TNFRSF1B: variants seen among roughly 807,000 people sequenced by gnomAD.
TNFRSF1B encodes the protein tumor necrosis factor receptor superfamily member 1B.
A neutral mutation model predicts 44.6 loss-of-function variants in TNFRSF1B; 19 were observed. The observed-to-expected ratio is 0.43, with a 90% CI of 0.30 to 0.62. TNFRSF1B has a LOEUF of 0.62. Ranked by LOEUF, TNFRSF1B falls within the 20% of genes least tolerant of loss-of-function variation. The pLI is 0.16. For synonymous variants in TNFRSF1B, 252 were observed against 261.1 expected (o/e 0.97, Z 0.34); for missense variants, 541 against 619.9 (o/e 0.87, Z 1.35).
intron 8 of TNFRSF1B, among the ~76,000 whole-genome samples, chr1:12,200,725 C>A (rs1175913700): frequency 6.6e-6 from 1 of 152,110 alleles, no homozygotes; most frequent in Non-Finnish European, 1.5e-5. Context: ...CAGGTTCAAG[C>A]GATTCTCCTG....
rs1195228058 is a variant in TNFRSF1B, at chr1:12,171,975, C to T, written c.78+4806C>T. Among the ~76,000 whole-genome samples, 1 of 152,114 alleles carries T rather than the reference C, an allele frequency of 6.6e-6. No individual in the cohort carries two copies. Among genetic ancestry groups the T allele is most frequent in the Non-Finnish European group, 1.5e-5 (1 of 68,016 alleles). The stretch of plus-strand genomic sequence containing the variant: ...GGCAGGGTGGGGTTCTGTTTGCCTC[C>T]ATCTCTTGGGGTATTTTTCTGGGCT... On this transcript the variant is annotated intron_variant, in intron 1 of 9. Transcript: ENST00000376259. The surrounding 1 kb of genome is among the most constrained non-coding windows in gnomAD (Gnocchi z 4.5).
intron 1 of TNFRSF1B, among the ~76,000 whole-genome samples, chr1:12,183,720 C>CCTACCTATCTAT (rs1557629116): frequency 1.1e-5 from 1 of 92,150 alleles, no homozygotes; most frequent in East Asian, 3.8e-4. Context: ...ATTCTATCTA[C>CCTACCTATCTAT]CTATCTATCT....
In TNFRSF1B at chr1:12,209,024, C is replaced by G. The variant is rs915280019; in HGVS notation, c.*2004C>G. On this transcript the variant is annotated 3_prime_UTR_variant, in exon 10 of 10. Coordinates refer to ENST00000376259, the MANE Select transcript of TNFRSF1B (RefSeq NM_001066.3). ...GGACCCACATGAGGACATGATGGAG[C>G]GCACCTGCCCCCTGGTGGACAGTCC... The G allele has an allele frequency of 2.0e-5, 3 of 152,302 alleles. No individual in the cohort carries two copies. Among genetic ancestry groups the G allele is most frequent in the Admixed American group, 6.5e-5 (1 of 15,298 alleles). The allele number at this position is 152,302 out of a possible 1,614,324, so 9.4% of individuals were successfully genotyped here.
rs555859348 is a variant in TNFRSF1B at position 12,193,532 on chromosome 1, C to A, written c.788-423C>A. On this transcript the variant is annotated intron_variant, in intron 6 of 9. Transcript: ENST00000376259. Reference sequence around the variant, plus strand: ...AGGCTGCATTGAGCTCTGATCGTGCCACTGCACTCCAGCCTGGGCAATGAG... The same window carrying A: ...AGGCTGCATTGAGCTCTGATCGTGCAACTGCACTCCAGCCTGGGCAATGAG... 3.3e-5 allele frequency among the ~76,000 whole-genome samples: 5 copies of A among 152,322 alleles called. No individual in the cohort carries two copies. The South Asian group carries it at 1.0e-3, about 32-fold the overall frequency.
intron 1 of TNFRSF1B, among the ~76,000 whole-genome samples, chr1:12,174,781 G>A (rs1276869685): frequency 6.6e-6 from 1 of 152,218 alleles, no homozygotes; most frequent in Non-Finnish European, 1.5e-5. Context: ...TGGGAAAACA[G>A]ACAGTGTAAC....
In TNFRSF1B at chr1:12,191,897, G is replaced by T. The variant is rs778125323; in HGVS notation, c.431G>T (p.Arg144Leu). ...CRLCAPLRKC[R>L]PGFGVARPGT... ...CTGTGCGCGCCGCTGCGCAAGTGCC[G>T]CCCGGGCTTCGGCGTGGCCAGACCA... The change falls in exon 4 of 10, where the codon CGC becomes CTC. Residue 144 changes from arginine (R) to leucine (L), a missense_variant. Physicochemically the swap from Arg to Leu is moderately radical, Grantham distance 102 (BLOSUM62 -2). Transcript: ENST00000376259. 3 of 1,609,560 alleles carry T rather than the reference G, an allele frequency of 1.9e-6. No individual in the cohort carries two copies. The African/African-American group carries it at 4.0e-5, about 22-fold the overall frequency.
intron 1 of TNFRSF1B, among the ~76,000 whole-genome samples, chr1:12,175,071 G>T (rs957618153): frequency 6.6e-6 from 1 of 152,226 alleles, no homozygotes; most frequent in Non-Finnish European, 1.5e-5. Flanking sequence ...TGGGAGAGCA[G>T]AGCGGGAGGG....
At chr1:12,203,287 A>G (rs191940996) in intron 9 of TNFRSF1B, among the ~76,000 whole-genome samples, 1 of 152,230 alleles carries the variant, frequency 6.6e-6, no homozygotes, top group Non-Finnish European at 1.5e-5. Context: ...CTGGTGAGAG[A>G]TGGGTGACAT....
intron 5 of TNFRSF1B, 83 bp downstream of exon 5, chr1:12,192,607 C>T: frequency 7.5e-7 from 1 of 1,330,560 alleles, no homozygotes; most frequent in Non-Finnish European, 1.1e-6. Flanking sequence ...CAGAGCAGCT[C>T]ACCAACCACC....
intron 9 of TNFRSF1B, among the ~76,000 whole-genome samples, chr1:12,204,896 C>A (rs1272325231): frequency 3.3e-5 from 5 of 152,046 alleles, no homozygotes; most frequent in African/African-American, 1.2e-4. Flanking sequence ...CTGGTCTGGC[C>A]AGGCAAGGTG....
chr1:12,199,579 C>T lies in TNFRSF1B; in HGVS notation c.901-2388C>T, dbSNP rs1030286830. On this transcript the variant is annotated intron_variant, in intron 8 of 9. Coordinates refer to ENST00000376259, the MANE Select transcript of TNFRSF1B (RefSeq NM_001066.3). This position sits in a 1 kb window ranked among gnomAD's most constrained non-coding sequence, Gnocchi z 4.0. ...AGGGTGCAGGTGGCGCTCAGGTGTCCGAGAAGCCATGGGAGCCGGGGGCTG... is the reference window on the plus strand; with the variant it reads ...AGGGTGCAGGTGGCGCTCAGGTGTCTGAGAAGCCATGGGAGCCGGGGGCTG... Among the ~76,000 whole-genome samples, 1 of 152,158 alleles carries T rather than the reference C, an allele frequency of 6.6e-6. No homozygotes were observed. The highest frequency in any genetic ancestry group is 1.5e-5 in the Non-Finnish European group (1 of 68,026).
intron 8 of TNFRSF1B, among the ~76,000 whole-genome samples, chr1:12,198,772 G>A (rs1210105152): frequency 1.4e-5 from 2 of 146,452 alleles, no homozygotes; most frequent in Non-Finnish European, 3.0e-5. Flanking sequence ...CTCACTGCAA[G>A]CTCCGCCTCC....
chr1:12,167,386 T>G (rs1638417246), intron 1 of TNFRSF1B: 5 of 428,934 alleles, frequency 1.2e-5, no homozygotes, highest in Non-Finnish European at 2.1e-5. Context: ...GGGGCACAAC[T>G]CTGGCCCCCG....
chr1:12,197,074 A>C (rs1172139481), intron 8 of TNFRSF1B, among the ~76,000 whole-genome samples: 1 of 151,830 alleles, frequency 6.6e-6, no homozygotes, highest in Non-Finnish European at 1.5e-5. Context: ...CAGCCTCCCA[A>C]GTAGATGGGA....
Position 12,178,433 on chromosome 1 carries a change from G to A in TNFRSF1B, c.79-10363G>A, listed in dbSNP as rs1183931425. On this transcript the variant is annotated intron_variant, in intron 1 of 9. Coordinates refer to ENST00000376259, the MANE Select transcript of TNFRSF1B (RefSeq NM_001066.3). The surrounding 1 kb of genome is among the most constrained non-coding windows in gnomAD (Gnocchi z 4.3). ...TCGCCATTTTATAGATGATAAAGTG[G>A]AGGTGGGGGAATGGCAGAACTGGGA... Among the ~76,000 whole-genome samples the A allele has an allele frequency of 6.6e-6, 1 of 152,200 alleles. No individual in the cohort carries two copies. The highest frequency in any genetic ancestry group is 6.5e-5 in the Admixed American group (1 of 15,270).
In TNFRSF1B at chr1:12,178,045, C is replaced by CT. The variant is rs2101084737; in HGVS notation, c.79-10750dup. ...GTGGCCAGGCTCCTGAGCGCTATGC[C>CT]TACCTCACCCTCCAATGAGGTGGTG... On this transcript the variant is annotated intron_variant, in intron 1 of 9. Transcript: ENST00000376259. This position sits in a 1 kb window ranked among gnomAD's most constrained non-coding sequence, Gnocchi z 4.3. 6.6e-6 allele frequency among the ~76,000 whole-genome samples: 1 copy of CT among 152,312 alleles called. No homozygotes were observed. The highest frequency in any genetic ancestry group is 2.1e-4 in the South Asian group (1 of 4,826).
intron 1 of TNFRSF1B, among the ~76,000 whole-genome samples, chr1:12,188,119 G>A (rs1168105023): frequency 6.6e-6 from 1 of 152,196 alleles, no homozygotes; most frequent in Admixed American, 6.5e-5. Context: ...CTCTACGGTG[G>A]GTCCCATGTG....
At position 12,169,397 on chromosome 1, in the gene TNFRSF1B, TG is replaced by T. The variant is rs1256158838; in HGVS notation, c.78+2231del. Among the ~76,000 whole-genome samples the T allele has an allele frequency of 6.6e-6, 1 of 151,990 alleles. No homozygotes were observed. The highest frequency in any genetic ancestry group is 1.5e-5 in the Non-Finnish European group (1 of 67,980). On this transcript the variant is annotated intron_variant, in intron 1 of 9. Transcript: ENST00000376259. This position sits in a 1 kb window ranked among gnomAD's most constrained non-coding sequence, Gnocchi z 4.5. ...CTCCCTTACAGCAACTCCCAAGAGG[TG>T]GGTGGTGCCGTTTGTCTTTAGAGAT...
At position 12,168,807 on chromosome 1, in the gene TNFRSF1B, C is replaced by G. The variant is rs1012631954; in HGVS notation, c.78+1638C>G. On this transcript the variant is annotated intron_variant, in intron 1 of 9. Coordinates refer to ENST00000376259, the MANE Select transcript of TNFRSF1B (RefSeq NM_001066.3). This position sits in a 1 kb window ranked among gnomAD's most constrained non-coding sequence, Gnocchi z 4.7. ...GTAGCTGGTCTCCCGGCCCTGCCCC[C>G]TCTCCCGCTGATCCTTGGCAGAGAG... Among the ~76,000 whole-genome samples, 1 of 152,174 alleles carries G rather than the reference C, an allele frequency of 6.6e-6. No homozygotes were observed. Among genetic ancestry groups the G allele is most frequent in the Non-Finnish European group, 1.5e-5 (1 of 68,036 alleles).
Sources: gnomAD v4.1 joint callset for allele counts (sites outside exome capture counted in the v4.1 genomes callset) on GRCh38, gnomAD v4.1.1 for gene constraint, Gnocchi (gnomAD v3.1) non-coding constraint, MANE v1.5 for transcripts, NCBI Gene and HGNC (gene_info 2026-07-23, HGNC 2026-07-21) for gene names.